The following ZNF724 variants were observed in gnomAD, a reference collection of about 807,000 sequenced individuals.
ZNF724 encodes the protein zinc finger protein 724, also known as zinc finger protein 724 pseudogene.
A neutral mutation model predicts 29.3 loss-of-function variants in ZNF724; 14 were observed. That is an observed-to-expected ratio of 0.48 (90% confidence interval 0.32 to 0.75). The LOEUF is 0.75. Among genes scored for constraint, ZNF724 ranks in the 30% least tolerant of loss-of-function variants. The pLI is 0.04. For synonymous variants in ZNF724, 180 were observed against 193.6 expected, an observed-to-expected ratio of 0.93 and a Z score of 0.58; for missense variants, 557 against 571.2, an observed-to-expected ratio of 0.98 and a Z score of 0.25.
intron 1 of ZNF724, among the ~76,000 whole-genome samples, chr19:23,233,677 TAAAAC>T (rs1971977228): frequency 1.3e-5 from 2 of 151,976 alleles, no homozygotes; most frequent in African/African-American, 2.4e-5. Flanking sequence ...AAAAAGTAGT[TAAAAC>T]AAACTCATTA....
At chr19:23,243,540 C>G (rs942819390) in intron 1 of ZNF724, among the ~76,000 whole-genome samples, 2 of 141,830 alleles carry the variant, frequency 1.4e-5, no homozygotes, top group African/African-American at 5.3e-5. Context: ...AATGCACTAT[C>G]TCATTTATAA....
chr19:23,246,376 G>A (rs1216867096), intron 1 of ZNF724, among the ~76,000 whole-genome samples: 4 of 152,158 alleles, frequency 2.6e-5, no homozygotes, highest in Non-Finnish European at 5.9e-5. Flanking sequence ...TTTAGCATCG[G>A]CCGGGCGCAG....
chr19:23,227,065 T>C (rs75526783), intron 3 of ZNF724, among the ~76,000 whole-genome samples: 21,693 of 152,122 alleles, frequency 0.14, 1,548 homozygotes, highest in Middle Eastern at 0.23. Flanking sequence ...TGTAACTGTG[T>C]ACTCATGGAA....
rs984647077 is a variant in ZNF724, at chr19:23,250,392, G to A, written c.-150C>T. 4.5e-6 allele frequency: 2 copies of A among 443,332 alleles called. No individual in the cohort carries two copies. Among genetic ancestry groups the A allele is most frequent in the South Asian group, 1.7e-5 (1 of 57,322 alleles). 27.5% of individuals were successfully genotyped at this position (443,332 alleles called of 1,614,324 possible). A position where few individuals can be genotyped will look rare whatever the true frequency, so the allele number is the denominator to read the frequency against. The stretch of plus-strand genomic sequence containing the variant: ...CGCTCCAGCTGCAGCGAGAGACAAA[G>A]GCCCCGCCAAATCCCGGAAGCCGCC... On this transcript the variant is annotated 5_prime_UTR_variant, in exon 1 of 4. Transcript: ENST00000418100.
At chr19:23,238,513 T>A (rs1467271374) in intron 1 of ZNF724, among the ~76,000 whole-genome samples, 1 of 152,210 alleles carries the variant, frequency 6.6e-6, no homozygotes, top group Non-Finnish European at 1.5e-5. Flanking sequence ...AGAGAATATC[T>A]ACATATAAGC....
intron 1 of ZNF724, among the ~76,000 whole-genome samples, chr19:23,237,456 T>C (rs146429619): frequency 2.6e-5 from 4 of 152,248 alleles, no homozygotes; most frequent in Non-Finnish European, 5.9e-5. Flanking sequence ...ATAATTTTAA[T>C]GTACTAGTAA....
At position 23,222,722 on chromosome 19, in the gene ZNF724, C is replaced by T. The variant is rs1180447512; in HGVS notation, c.1523G>A (p.Cys508Tyr). 7.0e-7 allele frequency: 1 copy of T among 1,419,210 alleles called. No homozygotes were observed. The highest frequency in any genetic ancestry group is 1.0e-6 in the Non-Finnish European group (1 of 1,003,918). The allele number at this position is 1,419,210 out of a possible 1,614,324, so 87.9% of individuals were successfully genotyped here. A position where few individuals can be genotyped will look rare whatever the true frequency, so the allele number is the denominator to read the frequency against. Residue 508 changes from cysteine to tyrosine, a missense_variant, in exon 4 of 4, where the codon TGT becomes TAT. By Grantham distance (194) the Cys-to-Tyr change is radical. Around this residue, in one of 3 missense-constraint regions of ZNF724, gnomAD observed 170 missense variants for 220.7 expected, o/e 0.77. Transcript: ENST00000418100. ...KIHTGEKPYK[C>Y]KECGKAFNQS... The stretch of plus-strand genomic sequence containing the variant: ...GTTAAAAGCTTTGCCACATTCTTTA[C>T]ATTTGTAGGGTTTCTCTCCAGTATG...
intron 3 of ZNF724, among the ~76,000 whole-genome samples, chr19:23,229,472 C>T (rs886355205): frequency 6.6e-5 from 10 of 152,116 alleles, no homozygotes; most frequent in Non-Finnish European, 1.5e-4. Flanking sequence ...TGGCAAAATC[C>T]TCTTTGATAC....
At chr19:23,227,554 T>G (rs1971856079) in intron 3 of ZNF724, among the ~76,000 whole-genome samples, 1 of 17,106 alleles carries the variant, frequency 5.8e-5, no homozygotes, top group African/African-American at 1.5e-4. Flanking sequence ...AGGCTCCATC[T>G]CAAAAAAAAA....
chr19:23,247,743 T>C (rs917960924), intron 1 of ZNF724, among the ~76,000 whole-genome samples: 2 of 152,230 alleles, frequency 1.3e-5, no homozygotes, highest in South Asian at 2.1e-4. Context: ...TTCCCCTCAA[T>C]ACCAGCGTCT....
intron 1 of ZNF724, among the ~76,000 whole-genome samples, chr19:23,240,871 A>G (rs1449312702): frequency 5.9e-5 from 9 of 152,118 alleles, no homozygotes; most frequent in Admixed American, 5.9e-4. Flanking sequence ...GTATCTACTA[A>G]AAATACAAAA....
At chr19:23,238,720 C>T (rs1200980088) in intron 1 of ZNF724, among the ~76,000 whole-genome samples, 2 of 152,168 alleles carry the variant, frequency 1.3e-5, no homozygotes, top group Non-Finnish European at 2.9e-5. Context: ...ACCAGCCTGG[C>T]CATCATGGCG....
chr19:23,226,937 A>G (rs112047442), intron 3 of ZNF724, among the ~76,000 whole-genome samples: 1 of 151,868 alleles, frequency 6.6e-6, no homozygotes, highest in Admixed American at 6.6e-5. Context: ...AGAAACCAAC[A>G]CTAAAAAAAA....
intron 1 of ZNF724, among the ~76,000 whole-genome samples, chr19:23,244,568 A>G (rs1691842589): frequency 6.6e-6 from 1 of 152,178 alleles, no homozygotes; most frequent in Non-Finnish European, 1.5e-5. Context: ...CCATTCCCAG[A>G]CACTCAGTTT....
chr19:23,224,459 A>G (rs7257647), intron 3 of ZNF724, among the ~76,000 whole-genome samples: 2,069 of 152,136 alleles, frequency 0.014, 59 homozygotes, highest in African/African-American at 0.047. Flanking sequence ...AATACCAAAG[A>G]CCCTAATTTC....
intron 3 of ZNF724, among the ~76,000 whole-genome samples, chr19:23,227,563 A>AC (rs954376681): frequency 2.7e-5 from 3 of 109,508 alleles, no homozygotes; most frequent in African/African-American, 8.1e-5. Flanking sequence ...CTCAAAAAAA[A>AC]AAAAAAACAA....
chr19:23,244,514 A>T (rs1403950205), intron 1 of ZNF724, among the ~76,000 whole-genome samples: 2 of 152,180 alleles, frequency 1.3e-5, no homozygotes, highest in Non-Finnish European at 1.5e-5. Context: ...TGGAATCAGA[A>T]AACAATGGGC....
chr19:23,229,505 A>G (rs1383605510), intron 3 of ZNF724, among the ~76,000 whole-genome samples: 2 of 152,222 alleles, frequency 1.3e-5, no homozygotes, highest in Non-Finnish European at 2.9e-5. Context: ...ATACTCATTC[A>G]CATCCTGATG....
intron 1 of ZNF724, chr19:23,236,592 C>T (rs1972024458): frequency 6.6e-6 from 1 of 152,272 alleles, no homozygotes; most frequent in African/African-American, 2.4e-5. Context: ...AAAAGAAGAA[C>T]ATCTTAAAAA....
Sources: allele counts gnomAD v4.1 joint callset (sites outside exome capture counted in the v4.1 genomes callset), GRCh38; gene constraint gnomAD v4.1.1; regional missense constraint gnomAD v4.1.1; transcripts MANE v1.5; gene names NCBI Gene and HGNC (gene_info 2026-07-23, HGNC 2026-07-21).